ADIPOR2: variants seen among roughly 807,000 people sequenced by gnomAD.
The protein encoded by ADIPOR2 is adiponectin receptor 2.
ADIPOR2 carries 18 observed loss-of-function variants against 40.9 expected under a neutral mutation model. The observed-to-expected ratio is 0.44, with a 90% CI of 0.30 to 0.65. The LOEUF (loss-of-function observed/expected upper bound fraction) is 0.65. Ranked by LOEUF, ADIPOR2 falls within the 30% of genes least tolerant of loss-of-function variation. The probability of loss-of-function intolerance (pLI) is 0.09; values close to 1 mark genes in which losing one functional copy is unlikely to be tolerated. For synonymous variants in ADIPOR2, 165 were observed against 166.4 expected, an observed-to-expected ratio of 0.99 and a Z score of 0.06; for missense variants, 283 against 479.2, an observed-to-expected ratio of 0.59 and a Z score of 3.82.
intron 1 of ADIPOR2, among the ~76,000 whole-genome samples, chr12:1,713,801 C>A (rs921554755): frequency 1.3e-5 from 2 of 152,014 alleles, no homozygotes; most frequent in Admixed American, 6.5e-5. Flanking sequence ...TGGTAATGGA[C>A]CTTGAGGACA....
chr12:1,778,008 T>G lies in ADIPOR2; in HGVS notation c.446T>G (p.Ile149Ser). The change falls in exon 4 of 8, where the codon ATT becomes AGT. Residue 149 changes from isoleucine (I) to serine (S), a missense_variant. Physicochemically the swap from Ile to Ser is moderately radical, Grantham distance 142. Coordinates refer to ENST00000357103, the MANE Select transcript of ADIPOR2 (RefSeq NM_024551.3). ...IFRIHTETGN[I>S]WTHLLGCVFF... Reference sequence around the variant, plus strand: ...AGAATACACACAGAAACAGGCAACATTTGGACACATCTCTTAGGTATGTAA... The same window carrying G: ...AGAATACACACAGAAACAGGCAACAGTTGGACACATCTCTTAGGTATGTAA... 1 of 1,613,808 alleles carries G rather than the reference T, an allele frequency of 6.2e-7. No individual in the cohort carries two copies. The highest frequency in any genetic ancestry group is 8.5e-7 in the Non-Finnish European group (1 of 1,179,888).
Position 1,780,456 on chromosome 12 carries a change from G to A in ADIPOR2, c.469G>A (p.Val157Ile). 1.9e-6 allele frequency: 3 copies of A among 1,608,030 alleles called. No homozygotes were observed. The highest frequency in any genetic ancestry group is 2.5e-6 in the Non-Finnish European group (3 of 1,178,014). The part of the protein sequence containing the change: ...GNIWTHLLGC[V>I]FFLCLGIFYM... The stretch of plus-strand genomic sequence containing the variant: ...TTCTGTGCTCTTTTTCCTAGGTTGT[G>A]TATTCTTCCTGTGCCTGGGGATCTT... The change falls in exon 5 of 8, where the codon GTA becomes ATA. Residue 157 changes from valine to isoleucine, a missense_variant. This residue lies in a region of ADIPOR2 where 112 missense variants were observed against 249.5 expected (regional missense o/e 0.45). Transcript: ENST00000357103.
At chr12:1,702,420 G>A (rs2094652287) in intron 1 of ADIPOR2, among the ~76,000 whole-genome samples, 3 of 152,086 alleles carry the variant, frequency 2.0e-5, no homozygotes, top group Admixed American at 6.6e-5. Context: ...TAGCACTAGA[G>A]TATGAGAATT....
chr12:1,764,681 C>T (rs1490710150), intron 2 of ADIPOR2, among the ~76,000 whole-genome samples: 5 of 152,040 alleles, frequency 3.3e-5, no homozygotes, highest in African/African-American at 1.2e-4. Context: ...TTTATTACCT[C>T]CTCATAGTAA....
At chr12:1,702,678 G>A (rs935371623) in intron 1 of ADIPOR2, among the ~76,000 whole-genome samples, 34 of 152,030 alleles carry the variant, frequency 2.2e-4, no homozygotes, top group Admixed American at 2.2e-3. Context: ...TACATACTTC[G>A]ATTATGTTTG....
intron 1 of ADIPOR2, among the ~76,000 whole-genome samples, chr12:1,733,655 A>C (rs2094724874): frequency 6.6e-6 from 1 of 152,072 alleles, no homozygotes; most frequent in African/African-American, 2.4e-5. Flanking sequence ...TGTGCACAAC[A>C]TGCAGGTTTG....
intron 1 of ADIPOR2, among the ~76,000 whole-genome samples, chr12:1,725,383 G>T (rs961318656): frequency 3.3e-5 from 5 of 152,130 alleles, no homozygotes; most frequent in African/African-American, 4.8e-5. Context: ...GCCTCCCAAA[G>T]TGCTGGGATT....
intron 1 of ADIPOR2, among the ~76,000 whole-genome samples, chr12:1,724,754 G>C (rs1245782489): frequency 1.3e-5 from 2 of 152,062 alleles, no homozygotes; most frequent in African/African-American, 4.8e-5. Context: ...GCGGTGGCAC[G>C]ATCACGGCTC....
Position 1,702,865 on chromosome 12 carries a change from T to C in ADIPOR2, c.-87+11674T>C, listed in dbSNP as rs150568867. 340 of 152,344 alleles carry C rather than the reference T, an allele frequency of 2.2e-3. 3 individuals carry two copies. The highest frequency in any genetic ancestry group is 8.0e-3 in the African/African-American group (333 of 41,584). The allele number at this position is 152,344 out of a possible 1,614,324, so 9.4% of individuals were successfully genotyped here. On this transcript the variant is annotated intron_variant, in intron 1 of 7. Transcript: ENST00000357103. ...GGTTCTCCTCATGCACATTAACAAG[T>C]TTGTTACTTCATTTCTTCAGTTGAT... is the stretch of plus-strand genomic sequence containing the variant.
chr12:1,768,994 A>C (rs1194810357), intron 2 of ADIPOR2, among the ~76,000 whole-genome samples: 1 of 152,162 alleles, frequency 6.6e-6, no homozygotes, highest in Non-Finnish European at 1.5e-5. Context: ...TTCTTGTCAT[A>C]ATTTTGTTGA....
At chr12:1,757,731 C>T (rs571302747) in intron 2 of ADIPOR2, 121 of 1,290,068 alleles carry the variant, frequency 9.4e-5, no homozygotes, top group Non-Finnish European at 1.3e-4. Context: ...AATTCTCCCC[C>T]GTCTTGTCAA....
chr12:1,707,832 A>G (rs900110164), intron 1 of ADIPOR2, among the ~76,000 whole-genome samples: 2 of 152,172 alleles, frequency 1.3e-5, no homozygotes, highest in Admixed American at 6.6e-5. Context: ...TTCATTGGCC[A>G]TTTGTATATC....
At chr12:1,725,906 T>G (rs2094707040) in intron 1 of ADIPOR2, among the ~76,000 whole-genome samples, 1 of 152,326 alleles carries the variant, frequency 6.6e-6, no homozygotes, top group African/African-American at 2.4e-5. Flanking sequence ...ATTCATTCAC[T>G]CAAGAAATCT....
In ADIPOR2 at chr12:1,781,009, CATTGCAGCCAT is replaced by C; in HGVS notation, c.772_782del (p.Ile258TyrfsTer43). 1.2e-6 allele frequency: 2 copies of C among 1,613,682 alleles called. No individual in the cohort carries two copies. Among genetic ancestry groups the C allele is most frequent in the Non-Finnish European group, 1.7e-6 (2 of 1,179,856 alleles). ...ACTTGATTGTCATCTGTGTGCTGGG[CATTGCAGCCAT>C]TATAGTCTCCCAGTGGGACATGTTT... is the stretch of plus-strand genomic sequence containing the variant. On this transcript the variant is annotated frameshift_variant, in exon 6 of 8. Transcript: ENST00000357103. LOFTEE classifies it high-confidence loss of function.
intron 1 of ADIPOR2, among the ~76,000 whole-genome samples, chr12:1,699,208 G>A (rs927669910): frequency 6.6e-6 from 1 of 152,152 alleles, no homozygotes; most frequent in African/African-American, 2.4e-5. Context: ...TAAGTAAATG[G>A]TCTTTTAAAA....
intron 3 of ADIPOR2, among the ~76,000 whole-genome samples, chr12:1,776,142 C>G (rs1330040499): frequency 6.6e-6 from 1 of 152,146 alleles, no homozygotes; most frequent in Non-Finnish European, 1.5e-5. Flanking sequence ...AAGAGGGACA[C>G]ATCTGTTCTT....
intron 2 of ADIPOR2, 124 bp from the exon 3 acceptor site, chr12:1,772,718 G>A: frequency 8.1e-7 from 1 of 1,227,278 alleles, no homozygotes; most frequent in Non-Finnish European, 1.1e-6. Flanking sequence ...CTATATTGTT[G>A]ATTCTTGTCT....
At chr12:1,735,808 T>G (rs1427189665) in intron 1 of ADIPOR2, among the ~76,000 whole-genome samples, 1 of 152,174 alleles carries the variant, frequency 6.6e-6, no homozygotes, top group East Asian at 1.9e-4. Flanking sequence ...GCATGAAGCA[T>G]TGTTGAATTT....
chr12:1,699,749 T>C (rs921212616), intron 1 of ADIPOR2, among the ~76,000 whole-genome samples: 3 of 152,262 alleles, frequency 2.0e-5, no homozygotes, highest in African/African-American at 7.2e-5. Context: ...CGAACTGATA[T>C]CTTAGGACCT....
Sources: allele counts gnomAD v4.1 joint callset (sites outside exome capture counted in the v4.1 genomes callset), GRCh38; gene constraint gnomAD v4.1.1; regional missense constraint gnomAD v4.1.1; transcripts MANE v1.5; gene names NCBI Gene and HGNC (gene_info 2026-07-23, HGNC 2026-07-21).